The following EPHA6 variants were observed in gnomAD, a reference collection of about 807,000 sequenced individuals.
The protein encoded by EPHA6 is EPH receptor A6.
EPHA6 carries 50 observed loss-of-function variants against 112.0 expected under a neutral mutation model. That is an observed-to-expected ratio of 0.45 (90% CI 0.36 to 0.56). EPHA6 has a LOEUF of 0.56. Among genes scored for constraint, EPHA6 ranks in the 20% least tolerant of loss-of-function variants. The probability of loss-of-function intolerance (pLI) is 0.00; values close to 1 mark genes in which losing one functional copy is unlikely to be tolerated. For missense variants in EPHA6, 1,280 were observed against 1,417.4 expected, an observed-to-expected ratio of 0.90 and a Z score of 1.56; for synonymous variants, 529 against 490.7, an observed-to-expected ratio of 1.08 and a Z score of -1.03.
intron 9 of EPHA6, among the ~76,000 whole-genome samples, chr3:97,482,851 A>G (rs373723093): frequency 2.0e-5 from 3 of 152,368 alleles, no homozygotes; most frequent in South Asian, 2.1e-4. Context: ...TTTGTATTCA[A>G]TAAAGGCTCT....
intron 14 of EPHA6, among the ~76,000 whole-genome samples, chr3:97,682,553 C>T (rs1395284298): frequency 1.3e-5 from 2 of 152,068 alleles, no homozygotes; most frequent in African/African-American, 4.8e-5. Context: ...TCTCAATTTC[C>T]TCCATAGACT....
intron 7 of EPHA6, 35 bp from the exon 8 acceptor site, chr3:97,475,316 AC>A: frequency 6.8e-7 from 1 of 1,460,308 alleles, no homozygotes; most frequent in Non-Finnish European, 9.5e-7. Flanking sequence ...GTGAAATGTC[AC>A]CCAGGGAAAT....
At chr3:97,430,949 G>T (rs1379676798) in intron 6 of EPHA6, among the ~76,000 whole-genome samples, 1 of 152,070 alleles carries the variant, frequency 6.6e-6, no homozygotes, top group Non-Finnish European at 1.5e-5. Context: ...CGTATTTGCA[G>T]TGACCTTGTA....
At chr3:97,638,958 C>CT (rs1560216547) in intron 14 of EPHA6, among the ~76,000 whole-genome samples, 1 of 151,940 alleles carries the variant, frequency 6.6e-6, no homozygotes, top group African/African-American at 2.4e-5. Context: ...TTATTGAGTC[C>CT]TTTTTTATTT....
chr3:97,475,188 C>T (rs914464124), intron 7 of EPHA6, among the ~76,000 whole-genome samples, 164 bp from the exon 8 acceptor site: 1 of 152,014 alleles, frequency 6.6e-6, no homozygotes, highest in Non-Finnish European at 1.5e-5. Flanking sequence ...AGTCAAAACT[C>T]ATTTATTTTG....
intron 2 of EPHA6, among the ~76,000 whole-genome samples, chr3:96,923,934 G>T (rs2039904347): frequency 6.6e-6 from 1 of 152,030 alleles, no homozygotes; most frequent in South Asian, 2.1e-4. Context: ...AGATTCGATG[G>T]CTTAGTTGTG....
chr3:97,430,785 T>C (rs778307002), intron 6 of EPHA6, among the ~76,000 whole-genome samples: 1 of 152,136 alleles, frequency 6.6e-6, no homozygotes, highest in Non-Finnish European at 1.5e-5. Flanking sequence ...CAAAATGTCC[T>C]TTCTCAGAAC....
chr3:97,397,995 G>C (rs145344032), intron 5 of EPHA6, among the ~76,000 whole-genome samples: 2 of 151,372 alleles, frequency 1.3e-5, no homozygotes, highest in Non-Finnish European at 3.0e-5. Context: ...ATTTGTTACC[G>C]TTTTATAAAA....
intron 5 of EPHA6, among the ~76,000 whole-genome samples, chr3:97,364,541 A>T (rs2084600556): frequency 6.6e-6 from 1 of 152,020 alleles, no homozygotes; most frequent in Non-Finnish European, 1.5e-5. Context: ...TCTAATCTTC[A>T]TGATTAGAGT....
chr3:96,821,126 C>T (rs142126694), intron 1 of EPHA6, among the ~76,000 whole-genome samples: 87 of 152,016 alleles, frequency 5.7e-4, no homozygotes, highest in Non-Finnish European at 1.0e-3. Flanking sequence ...AGGGAAGAAA[C>T]TGTTATACTT....
intron 2 of EPHA6, among the ~76,000 whole-genome samples, chr3:96,937,187 T>C (rs762578942): frequency 1.1e-4 from 16 of 152,226 alleles, no homozygotes; most frequent in Non-Finnish European, 8.8e-5. Context: ...ATCGCCACAC[T>C]GACTTCCACA....
At chr3:97,719,078 C>A (rs2034385707) in intron 14 of EPHA6, among the ~76,000 whole-genome samples, 1 of 43,944 alleles carries the variant, frequency 2.3e-5, no homozygotes, top group Non-Finnish European at 4.4e-5. Context: ...AATCCGTTCC[C>A]GCCCCCCCCA....
rs532218137 is a variant in EPHA6 at position 97,103,640 on chromosome 3, T to A, written c.1114+115647T>A. Among the ~76,000 whole-genome samples the A allele has an allele frequency of 4.6e-5, 7 of 152,250 alleles. No individual in the cohort carries two copies. In the South Asian group the frequency reaches 6.2e-4, roughly 14 times the overall value. ...ATTTGGGCTCTTTTTTGGTTCCATATAAATATTAAAATAGTTTTGTTGTTG... is the reference window on the plus strand; with the variant it reads ...ATTTGGGCTCTTTTTTGGTTCCATAAAAATATTAAAATAGTTTTGTTGTTG... On this transcript the variant is annotated intron_variant, in intron 3 of 17. Coordinates refer to ENST00000389672, the MANE Select transcript of EPHA6 (RefSeq NM_001080448.3).
intron 6 of EPHA6, chr3:97,439,492 G>T (rs2090026112): frequency 3.5e-6 from 1 of 288,400 alleles, no homozygotes; most frequent in Admixed American, 6.5e-5. Context: ...CTCACCATTA[G>T]AAATTTCTTC....
intron 5 of EPHA6, among the ~76,000 whole-genome samples, chr3:97,324,784 C>T (rs2082340208): frequency 1.3e-5 from 2 of 152,048 alleles, no homozygotes; most frequent in African/African-American, 4.8e-5. Context: ...AGGTGATCCA[C>T]CTGCCTCGGC....
At chr3:97,539,034 T>TCTTTCTTTCTTG (rs1489446940) in intron 11 of EPHA6, among the ~76,000 whole-genome samples, 3 of 142,038 alleles carry the variant, frequency 2.1e-5, no homozygotes, top group Non-Finnish European at 3.1e-5. Context: ...TTTCTTTCTT[T>TCTTTCTTTCTTG]CTTGCTTTCT....
At chr3:96,987,103 C>A (rs2043051063) in intron 2 of EPHA6, among the ~76,000 whole-genome samples, 1 of 152,148 alleles carries the variant, frequency 6.6e-6, no homozygotes, top group Non-Finnish European at 1.5e-5. Context: ...ATAAAGTTGT[C>A]ATGCAATTAA....
intron 9 of EPHA6, among the ~76,000 whole-genome samples, chr3:97,482,918 A>G (rs1371384512): frequency 6.6e-6 from 1 of 152,174 alleles, no homozygotes; most frequent in East Asian, 1.9e-4. Context: ...ATAGAAAGAT[A>G]TATAAGAAAT....
chr3:97,455,491 T>C (rs2090653154), intron 7 of EPHA6, among the ~76,000 whole-genome samples: 1 of 152,060 alleles, frequency 6.6e-6, no homozygotes, highest in Non-Finnish European at 1.5e-5. Flanking sequence ...ACCCATTCAG[T>C]ACTTTCACTT....
Sources: allele counts gnomAD v4.1 joint callset (sites outside exome capture counted in the v4.1 genomes callset), GRCh38; gene constraint gnomAD v4.1.1; transcripts MANE v1.5; gene names NCBI Gene and HGNC (gene_info 2026-07-23, HGNC 2026-07-21).